Variants in LHFPL6 observed in about 807,000 individuals in gnomAD.
The protein encoded by LHFPL6 is LHFPL tetraspan subfamily member 6.
In LHFPL6, 9 loss-of-function variants were observed where a neutral mutation model predicts 20.6. The observed-to-expected ratio is 0.44, with a 90% CI of 0.26 to 0.76. The LOEUF (loss-of-function observed/expected upper bound fraction) is 0.76, where lower values mean the gene tolerates loss of function less well. LHFPL6 is among the 30% of genes least tolerant of loss of function. The pLI, the probability that LHFPL6 is intolerant of heterozygous loss-of-function variation, is 0.20. For missense variants in LHFPL6, 218 were observed against 253.5 expected (o/e 0.86, Z 0.95); for synonymous variants, 105 against 98.7 (o/e 1.06, Z -0.38).
chr13:39,583,346 T>C (rs765959287), intron 2 of LHFPL6, among the ~76,000 whole-genome samples: 4 of 151,996 alleles, frequency 2.6e-5, no homozygotes, highest in Non-Finnish European at 5.9e-5. Flanking sequence ...ATAATTTTTA[T>C]GTATTTTTTG....
chr13:39,436,617 T>TA (rs1446947010), intron 2 of LHFPL6, among the ~76,000 whole-genome samples: 2 of 152,242 alleles, frequency 1.3e-5, no homozygotes, highest in Admixed American at 1.3e-4. Flanking sequence ...TTATAAACTA[T>TA]ACTACCTTAT....
Position 39,351,903 on chromosome 13 carries a change from A to G in LHFPL6, c.485-7849T>C, listed in dbSNP as rs140553175. On this transcript the variant is annotated intron_variant, in intron 3 of 3. Coordinates refer to ENST00000379589, the MANE Select transcript of LHFPL6 (RefSeq NM_005780.3). Reference sequence around the variant, plus strand: ...TTTTGTCTATAAATTTGTACTGACCATGAGGCACCCCAGTAGTCTCTCTGA... The same window carrying G: ...TTTTGTCTATAAATTTGTACTGACCGTGAGGCACCCCAGTAGTCTCTCTGA... Among the ~76,000 whole-genome samples the G allele has an allele frequency of 2.0e-5, 3 of 152,322 alleles. No individual in the cohort carries two copies. The East Asian group carries it at 5.8e-4, about 29-fold the overall frequency.
intron 3 of LHFPL6, among the ~76,000 whole-genome samples, chr13:39,355,732 C>T (rs1469405142): frequency 2.0e-5 from 3 of 152,108 alleles, no homozygotes; most frequent in Admixed American, 1.3e-4. Flanking sequence ...GCAGGGGTTG[C>T]TATTCTTATG....
At chr13:39,472,530 C>T (rs185696912) in intron 2 of LHFPL6, among the ~76,000 whole-genome samples, 10 of 152,132 alleles carry the variant, frequency 6.6e-5, no homozygotes, top group African/African-American at 1.7e-4. Context: ...GGAATATGCC[C>T]GGGTTCAGCT....
chr13:39,358,764 C>T (rs1566093018), intron 3 of LHFPL6, among the ~76,000 whole-genome samples: 1 of 152,154 alleles, frequency 6.6e-6, no homozygotes, highest in African/African-American at 2.4e-5. Context: ...AGAAGATATA[C>T]AAGCGGCCAA....
chr13:39,543,588 A>G (rs550848562), intron 2 of LHFPL6, among the ~76,000 whole-genome samples: 4 of 152,232 alleles, frequency 2.6e-5, no homozygotes, highest in South Asian at 2.1e-4. Flanking sequence ...TTTTCCCTGC[A>G]TAAGACTAAT....
chr13:39,591,710 C>T (rs537477091), intron 2 of LHFPL6, among the ~76,000 whole-genome samples: 1 of 152,206 alleles, frequency 6.6e-6, no homozygotes, highest in Non-Finnish European at 1.5e-5. Flanking sequence ...CCCACCCAGA[C>T]CTTCCCAGCA....
chr13:39,467,866 G>A (rs1872843070), intron 2 of LHFPL6, among the ~76,000 whole-genome samples: 2 of 152,092 alleles, frequency 1.3e-5, no homozygotes, highest in African/African-American at 4.8e-5. Context: ...TATGAAGAAG[G>A]GTAAATAAGC....
intron 2 of LHFPL6, among the ~76,000 whole-genome samples, chr13:39,542,039 C>T (rs571900347): frequency 6.6e-5 from 10 of 150,664 alleles, no homozygotes; most frequent in East Asian, 3.9e-4. Context: ...TGCAGTGAGC[C>T]GAGATCATGC....
chr13:39,355,281 T>G (rs902918078), intron 3 of LHFPL6, among the ~76,000 whole-genome samples: 1 of 151,960 alleles, frequency 6.6e-6, no homozygotes, highest in Non-Finnish European at 1.5e-5. Context: ...AGAATTTCAT[T>G]CTAGCCAAAC....
chr13:39,582,305 C>T (rs1872313015), intron 2 of LHFPL6, among the ~76,000 whole-genome samples: 1 of 152,168 alleles, frequency 6.6e-6, no homozygotes, highest in Admixed American at 6.6e-5. Flanking sequence ...CTTACATGTC[C>T]CAGAGTCCAG....
chr13:39,501,054 GGAGTCT>G (rs1474346433), intron 2 of LHFPL6, among the ~76,000 whole-genome samples: 1 of 152,156 alleles, frequency 6.6e-6, no homozygotes, highest in Non-Finnish European at 1.5e-5. Context: ...CCACTGCCCT[GGAGTCT>G]CATCCTTTCC....
chr13:39,487,736 C>T (rs898837473), intron 2 of LHFPL6, among the ~76,000 whole-genome samples: 17 of 152,252 alleles, frequency 1.1e-4, no homozygotes, highest in East Asian at 3.9e-4. Flanking sequence ...AGGCCGGGTG[C>T]GGTGGCTCAC....
intron 1 of LHFPL6, among the ~76,000 whole-genome samples, chr13:39,602,429 T>G (rs1872983458): frequency 6.6e-6 from 1 of 152,198 alleles, no homozygotes; most frequent in Non-Finnish European, 1.5e-5. Context: ...CTACTTTTTT[T>G]TCTAATCTTG....
chr13:39,563,524 C>T (rs1174448526), intron 2 of LHFPL6, among the ~76,000 whole-genome samples: 2 of 152,124 alleles, frequency 1.3e-5, no homozygotes, highest in African/African-American at 4.8e-5. Flanking sequence ...CAAAAATATT[C>T]TTAGAGGGTA....
At chr13:39,509,790 T>A (rs951296504) in intron 2 of LHFPL6, among the ~76,000 whole-genome samples, 1 of 151,962 alleles carries the variant, frequency 6.6e-6, no homozygotes, top group African/African-American at 2.4e-5. Flanking sequence ...CAAGACCTCA[T>A]CTGTACAAAA....
intron 2 of LHFPL6, among the ~76,000 whole-genome samples, chr13:39,472,564 T>A (rs1222926460): frequency 6.6e-6 from 1 of 152,118 alleles, no homozygotes; most frequent in Non-Finnish European, 1.5e-5. Context: ...CTTTCCCTCT[T>A]AATGTATTTG....
intron 3 of LHFPL6, among the ~76,000 whole-genome samples, chr13:39,359,237 G>A (rs1417758179): frequency 6.6e-6 from 1 of 152,184 alleles, no homozygotes; most frequent in Non-Finnish European, 1.5e-5. Flanking sequence ...TGGCGGGAAT[G>A]TAAATTAGTT....
chr13:39,566,875 A>G (rs1284551507), intron 2 of LHFPL6, among the ~76,000 whole-genome samples: 1 of 152,086 alleles, frequency 6.6e-6, no homozygotes, highest in African/African-American at 2.4e-5. Flanking sequence ...TCCTGGACAA[A>G]TAATAATACT....
Sources: allele counts gnomAD v4.1 joint callset (sites outside exome capture counted in the v4.1 genomes callset), GRCh38; gene constraint gnomAD v4.1.1; transcripts MANE v1.5; gene names NCBI Gene and HGNC (gene_info 2026-07-23, HGNC 2026-07-21).